GTF3C6: variants seen among roughly 807,000 people sequenced by gnomAD.
GTF3C6 encodes the protein general transcription factor 3C polypeptide 6.
A neutral mutation model predicts 19.2 loss-of-function variants in GTF3C6; 11 were observed. That is an observed-to-expected ratio of 0.57 (90% confidence interval 0.36 to 0.95). The LOEUF (loss-of-function observed/expected upper bound fraction) is 0.95. Ranked by LOEUF, GTF3C6 falls within the 40% of genes least tolerant of loss-of-function variation. The pLI is 0.01. For synonymous variants in GTF3C6, 87 were observed against 84.2 expected (o/e 1.03, Z -0.18); for missense variants, 222 against 254.7 (o/e 0.87, Z 0.87).
chr6:110,964,713 C>T (rs1194847654), intron 5 of GTF3C6, among the ~76,000 whole-genome samples: 2 of 152,126 alleles, frequency 1.3e-5, no homozygotes, highest in African/African-American at 2.4e-5. Context: ...GTGATCTCAG[C>T]TCACTGCAAC....
intron 1 of GTF3C6, 145 bp downstream of exon 1, chr6:110,958,971 C>T: frequency 8.9e-6 from 9 of 1,006,928 alleles, no homozygotes; most frequent in Non-Finnish European, 1.3e-5. Flanking sequence ...CGCGAGGAGC[C>T]GGGCAGCTTG....
chr6:110,967,517 G>A lies in GTF3C6; in HGVS notation c.369G>A (p.Val123=), dbSNP rs1297933223. ...KKEGEENIGG[V]EWLQIKDNDF... ...TCATCCCCTCCAAATTAGGTGGGGT[G>A]GAATGGCTGCAAATAAAGGATAATG... Residue 123 remains valine, a synonymous_variant, in exon 6 of 6, where the codon GTG becomes GTA. Transcript: ENST00000329970. The A allele has an allele frequency of 6.2e-7, 1 of 1,608,282 alleles. No individual in the cohort carries two copies. The highest frequency in any genetic ancestry group is 2.2e-5 in the East Asian group (1 of 44,752).
intron 4 of GTF3C6, 117 bp downstream of exon 4, chr6:110,960,733 C>T (rs1194825102): frequency 1.0e-5 from 9 of 878,720 alleles, no homozygotes; most frequent in Middle Eastern, 2.2e-4. Context: ...TTTTCCCAAA[C>T]GTGACTCAGA....
chr6:110,959,488 G>GT (rs1464446061), intron 2 of GTF3C6, among the ~76,000 whole-genome samples: 1 of 152,142 alleles, frequency 6.6e-6, no homozygotes, highest in Non-Finnish European at 1.5e-5. Context: ...TTGCTTGCCT[G>GT]TTTGAATGTG....
intron 5 of GTF3C6, 22 bp downstream of exon 5, chr6:110,962,527 A>C (rs1276679021): frequency 2.3e-6 from 3 of 1,288,706 alleles, no homozygotes; most frequent in Non-Finnish European, 2.3e-6. Flanking sequence ...TATTCTCTGA[A>C]AACAGGTGAT....
At chr6:110,967,278 C>G (rs904568622) in intron 5 of GTF3C6, among the ~76,000 whole-genome samples, 1 of 152,004 alleles carries the variant, frequency 6.6e-6, no homozygotes, top group Non-Finnish European at 1.5e-5. Flanking sequence ...GAATAGTAAT[C>G]AAAGTTGGTA....
rs1046202169 is a variant in GTF3C6 at position 110,958,754 on chromosome 6, G to A, written c.-16G>A. ...CGGGCGTGGCCAGTGACTAGAAGGC[G>A]AGGCGCCGCGGGACCATGGCGGCGG... On this transcript the variant is annotated 5_prime_UTR_variant, in exon 1 of 6. Transcript: ENST00000329970. 3 of 1,550,526 alleles carry A rather than the reference G, an allele frequency of 1.9e-6. No homozygotes were observed. The highest frequency in any genetic ancestry group is 1.4e-5 in the African/African-American group (1 of 73,084).
At chr6:110,962,194 G>A (rs775214585) in intron 4 of GTF3C6, among the ~76,000 whole-genome samples, 198 bp from the exon 5 acceptor site, 11 of 152,128 alleles carry the variant, frequency 7.2e-5, no homozygotes, top group African/African-American at 1.7e-4. Context: ...GTGAGCCACC[G>A]TGCCCAGCCT....
At chr6:110,965,124 G>GCA (rs1771214453) in intron 5 of GTF3C6, among the ~76,000 whole-genome samples, 1 of 140,326 alleles carries the variant, frequency 7.1e-6, no homozygotes, top group Non-Finnish European at 1.5e-5. Context: ...GTGCACCACC[G>GCA]CACCCAACCT....
chr6:110,966,238 C>G (rs902314628), intron 5 of GTF3C6, among the ~76,000 whole-genome samples: 2 of 151,992 alleles, frequency 1.3e-5, no homozygotes, highest in African/African-American at 4.8e-5. Flanking sequence ...CTTTGGGAGG[C>G]CAAGGCAGGT....
At chr6:110,958,951 T>C (rs1583245684) in intron 1 of GTF3C6, 125 bp downstream of exon 1, 1 of 1,159,854 alleles carries the variant, frequency 8.6e-7, no homozygotes, top group Non-Finnish European at 1.2e-6. Flanking sequence ...ACCGGCTTCT[T>C]GCTCCTGGGC....
intron 1 of GTF3C6, 128 bp downstream of exon 1, chr6:110,958,954 T>G (rs1583245688): frequency 8.7e-7 from 1 of 1,147,724 alleles, no homozygotes; most frequent in Non-Finnish European, 1.2e-6. Context: ...GGCTTCTTGC[T>G]CCTGGGCGCG....
chr6:110,959,330 C>T (rs557571004), intron 2 of GTF3C6, 78 bp downstream of exon 2: 32 of 840,948 alleles, frequency 3.8e-5, no homozygotes, highest in African/African-American at 3.1e-4. Flanking sequence ...AATACCTATC[C>T]GCAAGTATTG....
chr6:110,965,182 A>C (rs1460175121), intron 5 of GTF3C6, among the ~76,000 whole-genome samples: 2 of 131,098 alleles, frequency 1.5e-5, no homozygotes, highest in African/African-American at 2.9e-5. Flanking sequence ...TTACTATGTT[A>C]CCCAGCTGGT....
Position 110,967,143 on chromosome 6 carries a change from G to A in GTF3C6, c.362-367G>A, listed in dbSNP as rs1384323900. ...CACTCCAGCCTGGGTGACAGAGCGA[G>A]ACTTTGTCTTAAAAAAAAAAACATT... On this transcript the variant is annotated intron_variant, in intron 5 of 5. Coordinates refer to ENST00000329970, the MANE Select transcript of GTF3C6 (RefSeq NM_138408.4). Among the ~76,000 whole-genome samples, 4 of 151,416 alleles carry A rather than the reference G, an allele frequency of 2.6e-5. No homozygotes were observed. In the East Asian group the frequency reaches 8.2e-4, roughly 31 times the overall value.
intron 2 of GTF3C6, among the ~76,000 whole-genome samples, chr6:110,959,542 A>C (rs1247157590): frequency 6.6e-6 from 1 of 152,120 alleles, no homozygotes; most frequent in Non-Finnish European, 1.5e-5. Context: ...TAACATTGTG[A>C]TATGGAACCG....
In GTF3C6 at chr6:110,967,707, G is replaced by T. The variant is rs1452547780; in HGVS notation, c.559G>T (p.Glu187Ter). ...SCEQEKPMHL[E>*]IEDSGPLIDI... ...TGAACAGGAGAAACCAATGCACTTG[G>T]AAATAGAAGATTCTGGTCCTCTTAT... Residue 187 changes from glutamate (E) to a stop codon, truncating the protein, a stop_gained, in exon 6 of 6, where the codon GAA becomes TAA. Transcript: ENST00000329970. LOFTEE classifies it high-confidence loss of function. The T allele has an allele frequency of 3.1e-6, 5 of 1,614,030 alleles. No homozygotes were observed. Among genetic ancestry groups the T allele is most frequent in the Non-Finnish European group, 4.2e-6 (5 of 1,179,946 alleles).
chr6:110,959,724 C>T (rs1771133666), intron 2 of GTF3C6, among the ~76,000 whole-genome samples: 1 of 152,016 alleles, frequency 6.6e-6, no homozygotes, highest in African/African-American at 2.4e-5. Flanking sequence ...TACTGGGAGG[C>T]CGAGGCGGGT....
intron 5 of GTF3C6, among the ~76,000 whole-genome samples, chr6:110,965,515 A>G (rs1003269802): frequency 2.0e-5 from 3 of 152,212 alleles, no homozygotes; most frequent in Non-Finnish European, 4.4e-5. Flanking sequence ...TATCATCTAT[A>G]TACAACTATA....
Sources: gnomAD v4.1 joint callset for allele counts (sites outside exome capture counted in the v4.1 genomes callset) on GRCh38, gnomAD v4.1.1 for gene constraint, MANE v1.5 for transcripts, NCBI Gene and HGNC (gene_info 2026-07-23, HGNC 2026-07-21) for gene names.